Variants in TAF1B observed in about 807,000 individuals in gnomAD.
The protein encoded by TAF1B is TATA box-binding protein-associated factor RNA polymerase I subunit B.
TAF1B carries 61 observed loss-of-function variants against 83.9 expected under a neutral mutation model. The observed-to-expected ratio is 0.73, with a 90% CI of 0.59 to 0.90. The LOEUF (loss-of-function observed/expected upper bound fraction) is 0.90. TAF1B is among the 40% of genes least tolerant of loss of function. TAF1B has a pLI of 0.00. For missense variants in TAF1B, 625 were observed against 677.0 expected (o/e 0.92, Z 0.85); for synonymous variants, 221 against 224.6 (o/e 0.98, Z 0.14).
At chr2:9,856,315 A>G (rs1663565798) in intron 5 of TAF1B, among the ~76,000 whole-genome samples, 1 of 152,052 alleles carries the variant, frequency 6.6e-6, no homozygotes, top group African/African-American at 2.4e-5. Context: ...AAAAAAAAAA[A>G]AGGCAGGGGA....
chr2:9,847,815 T>A (rs2125133503), intron 2 of TAF1B, among the ~76,000 whole-genome samples: 1 of 152,170 alleles, frequency 6.6e-6, no homozygotes, highest in Middle Eastern at 3.4e-3. Flanking sequence ...ATTGTGAAGA[T>A]GAAAGCTAAA....
At chr2:9,870,125 T>A (rs539506951) in intron 6 of TAF1B, among the ~76,000 whole-genome samples, 2 of 152,272 alleles carry the variant, frequency 1.3e-5, no homozygotes, top group African/African-American at 4.8e-5. Flanking sequence ...AATTTTTAAA[T>A]CAAAACTCTA....
chr2:9,920,111 A>G (rs893412669), intron 14 of TAF1B, among the ~76,000 whole-genome samples: 32 of 152,326 alleles, frequency 2.1e-4, no homozygotes, highest in African/African-American at 7.0e-4. Context: ...TTTTTAGTAC[A>G]TATCACTTCT....
At chr2:9,894,219 T>C (rs1664953572) in intron 8 of TAF1B, among the ~76,000 whole-genome samples, 1 of 139,882 alleles carries the variant, frequency 7.1e-6, no homozygotes. Context: ...TGATTTGAAA[T>C]AGCTATAAAA....
chr2:9,845,872 A>G, intron 2 of TAF1B: 2 of 310,420 alleles, frequency 6.4e-6, no homozygotes, highest in East Asian at 9.1e-5. Context: ...AGTCCCAGCT[A>G]CTTGAGAGGC....
Position 9,913,244 on chromosome 2 carries a change from G to A in TAF1B, c.1266G>A (p.Arg422=), listed in dbSNP as rs749509125. 20 of 1,612,174 alleles carry A rather than the reference G, an allele frequency of 1.2e-5. No homozygotes were observed. The highest frequency in any genetic ancestry group is 1.7e-5 in the Non-Finnish European group (20 of 1,178,854). ...DEKKQKWEEA[R]AKYLWKSEKP... ...AAAAACAAAAATGGGAAGAAGCAAG[G>A]GCCAAGTATGTTCTCCTTCCTGGTT... The change falls in exon 12 of 15, where the codon AGG becomes AGA. Residue 422 remains arginine, a synonymous_variant. Coordinates refer to ENST00000263663, the MANE Select transcript of TAF1B (RefSeq NM_005680.3).
At chr2:9,847,901 A>G (rs1663258750) in intron 2 of TAF1B, among the ~76,000 whole-genome samples, 1 of 152,222 alleles carries the variant, frequency 6.6e-6, no homozygotes, top group Non-Finnish European at 1.5e-5. Flanking sequence ...GTGCTGTTCA[A>G]TCTTCTGCCG....
chr2:9,908,436 T>C (rs1314432440), intron 9 of TAF1B, among the ~76,000 whole-genome samples: 2 of 152,232 alleles, frequency 1.3e-5, no homozygotes, highest in Non-Finnish European at 2.9e-5. Context: ...TTTTAAATTA[T>C]CTGAGAAGAG....
At chr2:9,931,890 T>C (rs546345822) in intron 14 of TAF1B, among the ~76,000 whole-genome samples, 1 of 152,302 alleles carries the variant, frequency 6.6e-6, no homozygotes, top group South Asian at 2.1e-4. Flanking sequence ...TCTCTAAACT[T>C]CTCTCTTACT....
intron 8 of TAF1B, among the ~76,000 whole-genome samples, chr2:9,885,573 CTTGG>C (rs1222568899): frequency 2.0e-5 from 3 of 152,160 alleles, no homozygotes; most frequent in African/African-American, 7.2e-5. Context: ...AGAAAGCAAG[CTTGG>C]ACGTTTGGTT....
At chr2:9,854,111 C>G (rs1663483943) in intron 4 of TAF1B, among the ~76,000 whole-genome samples, 1 of 152,178 alleles carries the variant, frequency 6.6e-6, no homozygotes, top group African/African-American at 2.4e-5. Flanking sequence ...ACATACTAAT[C>G]CCTAGTGTGC....
chr2:9,888,117 A>T (rs1038583178), intron 8 of TAF1B, among the ~76,000 whole-genome samples: 1 of 152,166 alleles, frequency 6.6e-6, no homozygotes, highest in Non-Finnish European at 1.5e-5. Context: ...CTGTTGATTT[A>T]TTAACTATAC....
At chr2:9,854,569 A>G (rs917740698) in intron 5 of TAF1B, 148 bp downstream of exon 5, 1 of 572,270 alleles carries the variant, frequency 1.7e-6, no homozygotes, top group Non-Finnish European at 3.1e-6. Context: ...AGTCTAGAGG[A>G]CGGGGTCACT....
chr2:9,914,966 A>G lies in TAF1B; in HGVS notation c.1271+1717A>G, dbSNP rs547818777. 6.6e-6 allele frequency among the ~76,000 whole-genome samples: 1 copy of G among 152,264 alleles called. No individual in the cohort carries two copies. Among genetic ancestry groups the G allele is most frequent in the East Asian group, 1.9e-4 (1 of 5,176 alleles). ...TTTGTTTCTCTGAATATTATCATCCATGTTGTCAGATGAAAATTATTAAAA... is the reference window on the plus strand; with the variant it reads ...TTTGTTTCTCTGAATATTATCATCCGTGTTGTCAGATGAAAATTATTAAAA... On this transcript the variant is annotated intron_variant, in intron 12 of 14. Coordinates refer to ENST00000263663, the MANE Select transcript of TAF1B (RefSeq NM_005680.3). The surrounding 1 kb of genome is among the most constrained non-coding windows in gnomAD (Gnocchi z 4.3).
intron 13 of TAF1B, 128 bp from the exon 14 acceptor site, chr2:9,919,470 A>C: frequency 4.0e-6 from 3 of 757,536 alleles, no homozygotes; most frequent in Non-Finnish European, 6.5e-6. Flanking sequence ...TTATCCTGTT[A>C]CATTACTGTG....
At chr2:9,845,150 T>C in intron 1 of TAF1B, 70 bp from the exon 2 acceptor site, 1 of 1,137,862 alleles carries the variant, frequency 8.8e-7, no homozygotes, top group Middle Eastern at 2.0e-4. Flanking sequence ...TAAATAGAAC[T>C]GCAAGGTTTA....
chr2:9,865,164 A>G (rs1295164435), intron 5 of TAF1B, among the ~76,000 whole-genome samples: 1 of 152,230 alleles, frequency 6.6e-6, no homozygotes, highest in East Asian at 1.9e-4. Context: ...CTGTTTGCAG[A>G]TGACATGATT....
chr2:9,921,441 G>A (rs35489578), intron 14 of TAF1B, among the ~76,000 whole-genome samples: 6 of 152,124 alleles, frequency 3.9e-5, no homozygotes, highest in Non-Finnish European at 7.4e-5. Context: ...AGATAGTGAA[G>A]AACATATTAC....
At chr2:9,864,030 TAAAAG>T (rs1011258543) in intron 5 of TAF1B, among the ~76,000 whole-genome samples, 178 of 151,894 alleles carry the variant, frequency 1.2e-3, no homozygotes, top group African/African-American at 4.2e-3. Flanking sequence ...ACATCACAAT[TAAAAG>T]AACTAGAGAA....
Sources: allele counts gnomAD v4.1 joint callset (sites outside exome capture counted in the v4.1 genomes callset), GRCh38; gene constraint gnomAD v4.1.1; non-coding constraint Gnocchi (gnomAD v3.1); transcripts MANE v1.5; gene names NCBI Gene and HGNC (gene_info 2026-07-23, HGNC 2026-07-21).